DDR2: variants seen among roughly 807,000 people sequenced by gnomAD.
DDR2 encodes discoidin domain-containing receptor 2.
A neutral mutation model predicts 94.9 loss-of-function variants in DDR2; 27 were observed. The observed-to-expected ratio is 0.28, with a 90% CI of 0.21 to 0.39. The LOEUF is 0.39. Among genes scored for constraint, DDR2 ranks in the 10% least tolerant of loss-of-function variants. The pLI, the probability that DDR2 is intolerant of heterozygous loss-of-function variation, is 1.00. For missense variants in DDR2, 783 were observed against 1,076.0 expected, an observed-to-expected ratio of 0.73 and a Z score of 3.81; for synonymous variants, 382 against 377.2, an observed-to-expected ratio of 1.01 and a Z score of -0.15.
intron 3 of DDR2, among the ~76,000 whole-genome samples, chr1:162,734,521 C>G (rs775682363): frequency 6.6e-6 from 1 of 152,098 alleles, no homozygotes; most frequent in Admixed American, 6.6e-5. Flanking sequence ...CTGTTATGAA[C>G]GAAAACCAGT....
intron 3 of DDR2, among the ~76,000 whole-genome samples, chr1:162,749,660 G>T (rs543959379): frequency 1.3e-5 from 2 of 152,226 alleles, no homozygotes; most frequent in African/African-American, 4.8e-5. Flanking sequence ...ATTTTATAAG[G>T]CCAGCATCAT....
At position 162,719,112 on chromosome 1, in the gene DDR2, A is replaced by G. The variant is rs1442169517; in HGVS notation, c.49A>G (p.Ile17Val). 1.2e-6 allele frequency: 2 copies of G among 1,613,778 alleles called. No individual in the cohort carries two copies. Among genetic ancestry groups the G allele is most frequent in the Non-Finnish European group, 8.5e-7 (1 of 1,179,790 alleles). The change falls in exon 3 of 18, where the codon ATC (isoleucine) becomes GTC (valine). Residue 17 changes from isoleucine to valine, a missense_variant. This residue lies in a region of DDR2 where 519 missense variants were observed against 647.9 expected (regional missense o/e 0.80). Coordinates refer to ENST00000367921, the MANE Select transcript of DDR2 (RefSeq NM_006182.4). The part of the protein sequence containing the change: ...MLLVLFLLLP[I>V]LSSAKAQVNP... ...CTTGGTGCTGTTCCTGCTGCTGCCTATCTTGAGTTCTGCAAAAGCTCAGGT... is the reference window on the plus strand; with the variant it reads ...CTTGGTGCTGTTCCTGCTGCTGCCTGTCTTGAGTTCTGCAAAAGCTCAGGT...
intron 5 of DDR2, 131 bp from the exon 6 acceptor site, chr1:162,755,025 T>C (rs986823313): frequency 1.0e-5 from 15 of 1,463,600 alleles, no homozygotes; most frequent in African/African-American, 4.2e-5. Context: ...ATCAAGGCTG[T>C]GGGGAAAGCA....
intron 11 of DDR2, among the ~76,000 whole-genome samples, chr1:162,768,039 C>T (rs1270402990): frequency 2.0e-5 from 3 of 152,128 alleles, no homozygotes; most frequent in African/African-American, 4.8e-5. Context: ...ATATACACCT[C>T]ATTGAGTAAT....
intron 2 of DDR2, among the ~76,000 whole-genome samples, chr1:162,681,019 A>G (rs553604446): frequency 6.6e-6 from 1 of 152,316 alleles, no homozygotes; most frequent in South Asian, 2.1e-4. Context: ...GAAGCATGGT[A>G]GAATGAAGAG....
intron 2 of DDR2, among the ~76,000 whole-genome samples, chr1:162,672,467 A>G (rs1454347336): frequency 1.3e-5 from 2 of 152,176 alleles, no homozygotes; most frequent in African/African-American, 4.8e-5. Context: ...CTGGATCTAC[A>G]CAAACTACAT....
At chr1:162,765,501 AG>A in intron 9 of DDR2, among the ~76,000 whole-genome samples, 1 of 152,248 alleles carries the variant, frequency 6.6e-6, no homozygotes, top group African/African-American at 2.4e-5. Context: ...TCACAGAAAA[AG>A]ACACTCCAAT....
rs1029280951 is a variant in DDR2 at position 162,741,543 on chromosome 1, C to T, written c.83-11552C>T. The T allele has an allele frequency of 1.0e-5, 10 of 978,734 alleles. No homozygotes were observed. In the African/African-American group the frequency reaches 1.8e-4, roughly 17 times the overall value. The allele number at this position is 978,734 out of a possible 1,614,324, so 60.6% of individuals were successfully genotyped here. On this transcript the variant is annotated intron_variant, in intron 3 of 17. Transcript: ENST00000367921. ...GGTAAAGCAAAGATAAGCCATGGGA[C>T]AGCACTTTGCAAACTGTTAAGAATT... is the stretch of plus-strand genomic sequence containing the variant.
intron 1 of DDR2, among the ~76,000 whole-genome samples, chr1:162,638,986 G>A (rs921281393): frequency 6.7e-6 from 1 of 150,298 alleles, no homozygotes; most frequent in Non-Finnish European, 1.5e-5. Flanking sequence ...CTATCTTTGA[G>A]ACGGAGTCTT....
intron 2 of DDR2, among the ~76,000 whole-genome samples, chr1:162,663,207 T>C (rs73018582): frequency 0.027 from 4,086 of 152,190 alleles, 180 homozygotes; most frequent in African/African-American, 0.093. Flanking sequence ...AAAACATAGA[T>C]TGGGGAGAAG....
intron 2 of DDR2, among the ~76,000 whole-genome samples, chr1:162,688,129 C>T (rs756618056): frequency 6.6e-6 from 1 of 152,186 alleles, no homozygotes. Context: ...GTGGCTTCTA[C>T]CAATGGGAAT....
chr1:162,658,223 C>T (rs960736041), intron 2 of DDR2, among the ~76,000 whole-genome samples: 23 of 152,098 alleles, frequency 1.5e-4, no homozygotes, highest in African/African-American at 4.1e-4. Context: ...CTGCTGTGCA[C>T]GCTTTCTAGG....
At chr1:162,756,536 G>T (rs1011863425) in intron 7 of DDR2, among the ~76,000 whole-genome samples, 1 of 152,184 alleles carries the variant, frequency 6.6e-6, no homozygotes, top group Non-Finnish European at 1.5e-5. Flanking sequence ...TTCTCTCTAA[G>T]CTTGGTCTGC....
intron 2 of DDR2, among the ~76,000 whole-genome samples, chr1:162,667,034 A>G (rs538260529): frequency 8.0e-5 from 12 of 149,864 alleles, no homozygotes; most frequent in South Asian, 4.1e-4. Flanking sequence ...GGAACTATTC[A>G]TATATGTCTA....
chr1:162,751,830 A>G (rs1240428532), intron 3 of DDR2, among the ~76,000 whole-genome samples: 2 of 152,256 alleles, frequency 1.3e-5, no homozygotes, highest in Non-Finnish European at 2.9e-5. Context: ...AAAAAGGATG[A>G]GTTCTTGTCC....
intron 2 of DDR2, among the ~76,000 whole-genome samples, chr1:162,712,128 G>C (rs1442341718): frequency 6.6e-6 from 1 of 150,962 alleles, no homozygotes; most frequent in East Asian, 1.9e-4. Flanking sequence ...AGCTTGTTTT[G>C]GGAAATGATC....
intron 3 of DDR2, among the ~76,000 whole-genome samples, chr1:162,749,465 G>A (rs941107441): frequency 6.6e-6 from 1 of 152,026 alleles, no homozygotes; most frequent in Non-Finnish European, 1.5e-5. Context: ...GGAAGAAGTC[G>A]AATCCCTGAA....
chr1:162,675,251 G>A (rs1166030854), intron 2 of DDR2, among the ~76,000 whole-genome samples: 2 of 152,216 alleles, frequency 1.3e-5, no homozygotes, highest in Non-Finnish European at 2.9e-5. Context: ...TGGTGGAGAT[G>A]TAGAATAATG....
At chr1:162,735,921 C>T (rs1036626061) in intron 3 of DDR2, among the ~76,000 whole-genome samples, 1 of 152,232 alleles carries the variant, frequency 6.6e-6, no homozygotes, top group Non-Finnish European at 1.5e-5. Flanking sequence ...TTCTGCTTTA[C>T]TTTAGATATT....
Sources: allele counts gnomAD v4.1 joint callset (sites outside exome capture counted in the v4.1 genomes callset), GRCh38; gene constraint gnomAD v4.1.1; regional missense constraint gnomAD v4.1.1; transcripts MANE v1.5; gene names NCBI Gene and HGNC (gene_info 2026-07-23, HGNC 2026-07-21).